Variants in GARNL3 observed in about 807,000 individuals in gnomAD.
The protein encoded by GARNL3 is GTPase-activating Rap/Ran-GAP domain-like protein 3.
A neutral mutation model predicts 125.0 loss-of-function variants in GARNL3; 63 were observed. The ratio of observed to expected loss-of-function variants is 0.50; its 90% CI spans 0.41 to 0.62. GARNL3 has a LOEUF of 0.62. Ranked by LOEUF, GARNL3 falls within the 20% of genes least tolerant of loss-of-function variation. The pLI is 0.00. For missense variants in GARNL3, 994 were observed against 1,244.0 expected, an observed-to-expected ratio of 0.80 and a Z score of 3.02; for synonymous variants, 439 against 457.5, an observed-to-expected ratio of 0.96 and a Z score of 0.52.
At chr9:127,275,538 G>A (rs917806972) in intron 1 of GARNL3, among the ~76,000 whole-genome samples, 9 of 152,184 alleles carry the variant, frequency 5.9e-5, no homozygotes, top group Non-Finnish European at 1.2e-4. Context: ...TTCTGTTTTC[G>A]TAGGGCACAT....
intron 26 of GARNL3, 26 bp from the exon 27 acceptor site, chr9:127,390,615 C>A (rs775884782): frequency 1.9e-6 from 3 of 1,612,252 alleles, no homozygotes; most frequent in Non-Finnish European, 2.5e-6. Context: ...TGGTAGTGAC[C>A]CTCTGACCTA....
chr9:127,289,294 G>A (rs1322050598), intron 1 of GARNL3, among the ~76,000 whole-genome samples: 2 of 152,226 alleles, frequency 1.3e-5, no homozygotes, highest in African/African-American at 4.8e-5. Flanking sequence ...TCTCAGGTTT[G>A]ATAGTTTGCT....
At chr9:127,368,010 T>A in intron 22 of GARNL3, among the ~76,000 whole-genome samples, 2 of 49,316 alleles carry the variant, frequency 4.1e-5, no homozygotes, top group Non-Finnish European at 6.4e-5. Flanking sequence ...TAGACTTTCT[T>A]TTTTTTTTTT....
chr9:127,286,548 T>C (rs1201247739), intron 1 of GARNL3, among the ~76,000 whole-genome samples: 2 of 152,268 alleles, frequency 1.3e-5, no homozygotes, highest in Non-Finnish European at 2.9e-5. Context: ...ACTGATATTC[T>C]GATTTACTCT....
intron 2 of GARNL3, among the ~76,000 whole-genome samples, chr9:127,307,558 T>G (rs1045596016): frequency 1.3e-5 from 2 of 152,216 alleles, no homozygotes; most frequent in African/African-American, 2.4e-5. Flanking sequence ...CACAATAATG[T>G]GCAATTATGC....
chr9:127,357,363 G>T lies in GARNL3; in HGVS notation c.2080G>T (p.Val694Leu), dbSNP rs1397698866. The T allele has an allele frequency of 6.2e-7, 1 of 1,613,748 alleles. No individual in the cohort carries two copies. The highest frequency in any genetic ancestry group is 1.1e-5 in the South Asian group (1 of 91,068). The change falls in exon 21 of 28, where the codon GTG becomes TTG. Residue 694 changes from valine (V) to leucine (L), a missense_variant. Transcript: ENST00000373387. ...AGGAGAAGCCTTCAGGCTGCACCAC[G>T]TGGAGGCCAACAGGGTAAGCCAGCG... ...STGEAFRLHH[V>L]EANRVNFVAA...
At chr9:127,229,415 A>G (rs1321652421) in intron 1 of GARNL3, among the ~76,000 whole-genome samples, 1 of 152,176 alleles carries the variant, frequency 6.6e-6, no homozygotes, top group East Asian at 1.9e-4. Context: ...GCCTGCCTCA[A>G]TTGTGGGCCT....
chr9:127,239,020 CTCT>C (rs1317501668), intron 1 of GARNL3, among the ~76,000 whole-genome samples: 1 of 152,174 alleles, frequency 6.6e-6, no homozygotes, highest in Non-Finnish European at 1.5e-5. Flanking sequence ...AATGTGCCAT[CTCT>C]TCTTACCAGT....
intron 1 of GARNL3, among the ~76,000 whole-genome samples, chr9:127,273,660 G>A (rs1369863103): frequency 1.3e-5 from 2 of 152,176 alleles, no homozygotes; most frequent in African/African-American, 4.8e-5. Flanking sequence ...GTGGAAAGCA[G>A]CCAGATAGAT....
At chr9:127,355,219 G>T in intron 19 of GARNL3, 78 bp from the exon 20 acceptor site, 1 of 1,191,214 alleles carries the variant, frequency 8.4e-7, no homozygotes, top group Non-Finnish European at 1.2e-6. Flanking sequence ...GGGTTCCTAG[G>T]TATTGCCAAA....
At chr9:127,351,631 A>G (rs868816449) in intron 17 of GARNL3, among the ~76,000 whole-genome samples, 10 of 152,274 alleles carry the variant, frequency 6.6e-5, no homozygotes, top group African/African-American at 1.7e-4. Flanking sequence ...TTTGTTTCAG[A>G]CTGAGTTCCA....
In GARNL3 at chr9:127,335,643, T is replaced by C. The variant is rs766729649; in HGVS notation, c.873+310T>C. On this transcript the variant is annotated intron_variant, in intron 10 of 27. Transcript: ENST00000373387. Reference sequence around the variant, plus strand: ...CATAGACTCTTTTTTGTCTCTCTCTTTTTTTTTAATATATTTGATTCAAAC... The same window carrying C: ...CATAGACTCTTTTTTGTCTCTCTCTCTTTTTTTAATATATTTGATTCAAAC... 4.6e-5 allele frequency among the ~76,000 whole-genome samples: 7 copies of C among 151,952 alleles called. No homozygotes were observed. The East Asian group carries it at 7.7e-4, about 17-fold the overall frequency.
chr9:127,264,580 G>T, upstream of GARNL3: 1 of 1,064,320 alleles, frequency 9.4e-7, no homozygotes, highest in Non-Finnish European at 1.1e-6. Flanking sequence ...ATCCGGTTCA[G>T]CAGCTTTGTC....
At chr9:127,334,689 C>T (rs540276262) in intron 9 of GARNL3, among the ~76,000 whole-genome samples, 3 of 152,280 alleles carry the variant, frequency 2.0e-5, no homozygotes, top group African/African-American at 4.8e-5. Context: ...ATTGAGTCTC[C>T]CCAATATCCC....
chr9:127,357,384 C>T lies in GARNL3; in HGVS notation c.2094+7C>T. 1 of 1,613,122 alleles carries T rather than the reference C, an allele frequency of 6.2e-7. No individual in the cohort carries two copies. Among genetic ancestry groups the T allele is most frequent in the South Asian group, 1.1e-5 (1 of 91,006 alleles). ...CCACGTGGAGGCCAACAGGGTAAGCCAGCGGTTGTGGGGACAAGTGAGAAT... is the reference window on the plus strand; with the variant it reads ...CCACGTGGAGGCCAACAGGGTAAGCTAGCGGTTGTGGGGACAAGTGAGAAT... On this transcript the variant is annotated splice_region_variant and intron_variant, in intron 21 of 27. Transcript: ENST00000373387.
rs866173442 is a variant in GARNL3, at chr9:127,225,243, G to A, written c.-29+905G>A. ...GGGCGGGACGTGGGCTGCGGCGCGC[G>A]AGCCGAGCGGCCGGCCGAGGCCCGA... On this transcript the variant is annotated intron_variant, in intron 1 of 10. Transcript: ENST00000439286. The A allele has an allele frequency of 1.1e-3, 559 of 522,370 alleles. 5 individuals carry two copies. In the African/African-American group the frequency reaches 0.011, roughly 10 times the overall value. 32.4% of individuals were successfully genotyped at this position (522,370 alleles called of 1,614,324 possible).
chr9:127,234,185 C>T (rs2063070410), intron 1 of GARNL3, among the ~76,000 whole-genome samples: 1 of 152,072 alleles, frequency 6.6e-6, no homozygotes, highest in African/African-American at 2.4e-5. Flanking sequence ...TGTCTGTTCT[C>T]CTAAGAGCAG....
At chr9:127,304,222 T>C (rs1484886055) in intron 2 of GARNL3, among the ~76,000 whole-genome samples, 1 of 152,202 alleles carries the variant, frequency 6.6e-6, no homozygotes, top group Non-Finnish European at 1.5e-5. Context: ...TTTTGTAAAA[T>C]AGGTGACACT....
chr9:127,321,660 T>G (rs769526352), intron 6 of GARNL3, among the ~76,000 whole-genome samples: 1 of 152,222 alleles, frequency 6.6e-6, no homozygotes, highest in African/African-American at 2.4e-5. Flanking sequence ...CTTGTAGTTA[T>G]AACCAATTTA....
Sources: allele counts gnomAD v4.1 joint callset (sites outside exome capture counted in the v4.1 genomes callset), GRCh38; gene constraint gnomAD v4.1.1; transcripts MANE v1.5; gene names NCBI Gene and HGNC (gene_info 2026-07-23, HGNC 2026-07-21).